The following MCOLN3 variants were observed in gnomAD, a reference collection of about 807,000 sequenced individuals.
The protein encoded by MCOLN3 is mucolipin TRP cation channel 3, also known as mucolipin-3.
A neutral mutation model predicts 69.4 loss-of-function variants in MCOLN3; 62 were observed. The ratio of observed to expected loss-of-function variants is 0.89; its 90% CI spans 0.73 to 1.10. The LOEUF is 1.10. Among genes scored for constraint, MCOLN3 ranks in the 50% least tolerant of loss-of-function variants. The pLI, the probability that MCOLN3 is intolerant of heterozygous loss-of-function variation, is 0.00. For synonymous variants in MCOLN3, 183 were observed against 217.0 expected (o/e 0.84, Z 1.38); for missense variants, 564 against 656.4 (o/e 0.86, Z 1.54).
At chr1:85,027,773 C>G (rs963380255) in intron 7 of MCOLN3, among the ~76,000 whole-genome samples, 3 of 152,032 alleles carry the variant, frequency 2.0e-5, no homozygotes, top group African/African-American at 4.8e-5. Flanking sequence ...AAAGAGCCAC[C>G]CTTATGGAGA....
rs1290121050 is a variant in MCOLN3, at chr1:85,045,190, A to C, written c.171T>G (p.Gly57=). Residue 57 remains glycine (G), a synonymous_variant, in exon 2 of 13, where the codon GGT becomes GGG. Transcript: ENST00000370589. ...GTATGGCAAGTTTCCATGGTTTTCT[A>C]CCTCGAGCCCAGAACTTCTCACAGG... The part of the protein sequence containing the change: ...MNPCEKFWAR[G]RKPWKLAIQI... 1.2e-6 allele frequency: 2 copies of C among 1,613,928 alleles called. No individual in the cohort carries two copies. Among genetic ancestry groups the C allele is most frequent in the African/African-American group, 2.7e-5 (2 of 74,912 alleles).
intron 9 of MCOLN3, among the ~76,000 whole-genome samples, chr1:85,024,314 T>C (rs980041804): frequency 6.6e-6 from 1 of 152,120 alleles, no homozygotes. Context: ...AAAAACATGC[T>C]AATGGGAATG....
rs558137337 is a variant in MCOLN3, at chr1:85,032,172, G to A, written c.732+524C>T. 2.2e-4 allele frequency among the ~76,000 whole-genome samples: 33 copies of A among 152,238 alleles called. No homozygotes were observed. The South Asian group carries it at 6.6e-3, about 31-fold the overall frequency. On this transcript the variant is annotated intron_variant, in intron 6 of 12. Transcript: ENST00000370589. ...CATTATATGGCCACAATAGCATGAGGGCCAAGATGGGAGAAATGGAAGTAC... is the reference window on the plus strand; with the variant it reads ...CATTATATGGCCACAATAGCATGAGAGCCAAGATGGGAGAAATGGAAGTAC...
At position 85,019,212 on chromosome 1, in the gene MCOLN3, T is replaced by C; in HGVS notation, c.1573A>G (p.Ile525Val). 1.2e-6 allele frequency: 2 copies of C among 1,613,552 alleles called. No individual in the cohort carries two copies. The highest frequency in any genetic ancestry group is 1.7e-6 in the Non-Finnish European group (2 of 1,179,602). The change falls in exon 13 of 13, where the codon ATA becomes GTA. Residue 525 changes from isoleucine (I) to valine (V), a missense_variant. Transcript: ENST00000370589. ...TTGGGTAGATCTTTGCATTCTGATA[T>C]AAATGTACGAAGTTCAGTCTCTGGG... Reference protein sequence around the residue: ...GFPETELRTFISECKDLPNSG... With the variant: ...GFPETELRTFVSECKDLPNSG...
In MCOLN3 at chr1:85,034,163, A is replaced by G. The variant is rs762146470; in HGVS notation, c.485T>C (p.Phe162Ser). 6.2e-7 allele frequency: 1 copy of G among 1,614,212 alleles called. No homozygotes were observed. Among genetic ancestry groups the G allele is most frequent in the Non-Finnish European group, 8.5e-7 (1 of 1,180,022 alleles). ...AGGGTAGATGTTTCCTCGCTTGTAG[A>G]AGTGCTGACAGATTGCCATAGCAGA... is the stretch of plus-strand genomic sequence containing the variant. ...KQSAMAICQH[F>S]YKRGNIYPGN... Residue 162 changes from phenylalanine (F) to serine (S), a missense_variant, in exon 4 of 13, where the codon TTC becomes TCC. By Grantham distance (155) the Phe-to-Ser change is radical. Transcript: ENST00000370589.
rs193146013 is a variant in MCOLN3 at position 85,038,025 on chromosome 1, G to C, written c.396+2985C>G. 3.9e-3 allele frequency among the ~76,000 whole-genome samples: 595 copies of C among 152,316 alleles called. 4 individuals are homozygous for C. The highest frequency in any genetic ancestry group is 0.013 in the African/African-American group (556 of 41,576). ...GTGGTAGGGCAGGGTGGGTAGGAAA[G>C]AAAGGAAGCCATCCAGAAACAGGAA... On this transcript the variant is annotated intron_variant, in intron 3 of 12. Coordinates refer to ENST00000370589, the MANE Select transcript of MCOLN3 (RefSeq NM_018298.11).
In MCOLN3 at chr1:85,022,148, C is replaced by A. The variant is rs1651971072; in HGVS notation, c.1242G>T (p.Arg414Ser). Residue 414 changes from arginine to serine, a missense_variant, in exon 11 of 13, where the codon AGG (arginine) becomes AGT (serine). Arg to Ser is a moderately radical substitution (Grantham distance 110). Coordinates refer to ENST00000370589, the MANE Select transcript of MCOLN3 (RefSeq NM_018298.11). Reference sequence around the variant, plus strand: ...AAATCATAGCTGCACAGCAGCAGAACCTGATGACATTGGGCAGCGCTGCCT... The same window carrying A: ...AAATCATAGCTGCACAGCAGCAGAAACTGATGACATTGGGCAGCGCTGCCT... ...TLQAALPNVIRFCCCAAMIYL... is the reference protein window; with the variant it reads ...TLQAALPNVISFCCCAAMIYL... 1.2e-6 allele frequency: 2 copies of A among 1,614,018 alleles called. No individual in the cohort carries two copies. The highest frequency in any genetic ancestry group is 1.7e-5 in the Admixed American group (1 of 59,996).
In MCOLN3 at chr1:85,019,220, C is replaced by G. The variant is rs370749569; in HGVS notation, c.1565G>C (p.Arg522Pro). The change falls in exon 13 of 13, where the codon CGT (arginine) becomes CCT (proline). Residue 522 changes from arginine to proline, a missense_variant. Physicochemically the swap from Arg to Pro is moderately radical, Grantham distance 103 (BLOSUM62 -2). Coordinates refer to ENST00000370589, the MANE Select transcript of MCOLN3 (RefSeq NM_018298.11). ...ATCTTTGCATTCTGATATAAATGTA[C>G]GAAGTTCAGTCTCTGGGAAGCCATC... Reference protein sequence around the residue: ...QQDGFPETELRTFISECKDLP... With the variant: ...QQDGFPETELPTFISECKDLP... 3.1e-6 allele frequency: 5 copies of G among 1,612,876 alleles called. No homozygotes were observed. In the African/African-American group the frequency reaches 5.4e-5, roughly 17 times the overall value.
intron 1 of MCOLN3, among the ~76,000 whole-genome samples, 190 bp downstream of exon 1, chr1:85,048,206 C>A (rs1355258043): frequency 1.3e-5 from 2 of 151,934 alleles, no homozygotes; most frequent in Admixed American, 6.5e-5. Context: ...GGCTTGGGGG[C>A]GGCGCGGAAC....
intron 2 of MCOLN3, 78 bp downstream of exon 2, chr1:85,045,055 T>A (rs1653272093): frequency 1.1e-4 from 109 of 1,022,828 alleles, no homozygotes; most frequent in Non-Finnish European, 1.2e-4. Flanking sequence ...AAAAGTTATT[T>A]AAAAAAAAAA....
chr1:85,037,611 G>A (rs1652858904), intron 3 of MCOLN3, among the ~76,000 whole-genome samples: 2 of 152,218 alleles, frequency 1.3e-5, no homozygotes, highest in African/African-American at 4.8e-5. Context: ...GCTATAGCCA[G>A]ACTTCCTTGA....
In MCOLN3 at chr1:85,018,110, C is replaced by T. The variant is rs1185965130; in HGVS notation, c.*1013G>A. On this transcript the variant is annotated 3_prime_UTR_variant, in exon 13 of 13. Coordinates refer to ENST00000370589, the MANE Select transcript of MCOLN3 (RefSeq NM_018298.11). Reference sequence around the variant, plus strand: ...ATTTGGTATATGCTTTAATTTCATGCATGTATAAGATACTCTTTTTACTTT... The same window carrying T: ...ATTTGGTATATGCTTTAATTTCATGTATGTATAAGATACTCTTTTTACTTT... 6 of 152,160 alleles carry T rather than the reference C, an allele frequency of 3.9e-5. No homozygotes were observed. The highest frequency in any genetic ancestry group is 7.4e-5 in the Non-Finnish European group (5 of 68,026). The allele number at this position is 152,160 out of a possible 1,614,324, so 9.4% of individuals were successfully genotyped here. A position where few individuals can be genotyped will look rare whatever the true frequency, so the allele number is the denominator to read the frequency against.
chr1:85,020,740 A>G (rs923808786), intron 12 of MCOLN3, among the ~76,000 whole-genome samples: 2 of 152,218 alleles, frequency 1.3e-5, no homozygotes, highest in Non-Finnish European at 2.9e-5. Context: ...CTGAAATGCC[A>G]TATGTTTTAT....
At chr1:85,034,369 C>T (rs1571111771) in intron 3 of MCOLN3, 118 bp from the exon 4 acceptor site, 3 of 967,400 alleles carry the variant, frequency 3.1e-6, no homozygotes, top group East Asian at 5.1e-5. Flanking sequence ...GAGACATTCA[C>T]TTTGATAAAC....
Position 85,022,135 on chromosome 1 carries a change from C to T in MCOLN3, c.1255G>A (p.Ala419Thr). The stretch of plus-strand genomic sequence containing the variant: ...CAGTAACCTAAGTAAATCATAGCTG[C>T]ACAGCAGCAGAACCTGATGACATTG... ...LPNVIRFCCC[A>T]AMIYLGYCFC... is the part of the protein sequence containing the mutation. The change falls in exon 11 of 13, where the codon GCA becomes ACA. Residue 419 changes from alanine (A) to threonine (T), a missense_variant. Physicochemically the swap from Ala to Thr is moderately conservative, Grantham distance 58. Transcript: ENST00000370589. The T allele has an allele frequency of 6.2e-7, 1 of 1,614,166 alleles. No individual in the cohort carries two copies. Among genetic ancestry groups the T allele is most frequent in the Non-Finnish European group, 8.5e-7 (1 of 1,180,008 alleles).
chr1:85,042,918 C>T (rs4907125), intron 2 of MCOLN3, among the ~76,000 whole-genome samples: 74,388 of 151,930 alleles, frequency 0.49, 18,591 homozygotes, highest in Middle Eastern at 0.54. Context: ...AAGGAAACAT[C>T]ACAATTAAGA....
intron 1 of MCOLN3, among the ~76,000 whole-genome samples, chr1:85,047,047 G>T (rs1268296818): frequency 6.6e-6 from 1 of 152,124 alleles, no homozygotes; most frequent in African/African-American, 2.4e-5. Flanking sequence ...GACTTAAAAC[G>T]CAGATGATTT....
In MCOLN3 at chr1:85,021,208, C is replaced by A; in HGVS notation, c.1389G>T (p.Thr463=). 6.2e-7 allele frequency: 1 copy of A among 1,613,818 alleles called. No individual in the cohort carries two copies. The highest frequency in any genetic ancestry group is 8.5e-7 in the Non-Finnish European group (1 of 1,179,864). ...SLINGDDMFA[T]FAKMQQKSYL... is the part of the protein sequence containing the mutation. ...AACTTTTTTGCTGCATTTTTGCAAA[C>A]GTGGCAAACATATCATCTCCATTTA... The change falls in exon 12 of 13, where the codon ACG becomes ACT. Residue 463 remains threonine (T), a synonymous_variant. Transcript: ENST00000370589.
Position 85,032,801 on chromosome 1 carries a change from CAG to C in MCOLN3, c.636-11_636-10del. The C allele has an allele frequency of 1.2e-6, 2 of 1,613,890 alleles. No individual in the cohort carries two copies. Among genetic ancestry groups the C allele is most frequent in the Non-Finnish European group, 1.7e-6 (2 of 1,179,786 alleles). ...GCTCCACTGTTAGGAGTCTAGAAAA[CAG>C]AGGTGATTTTAGTTCTGTGGCAATA... is the stretch of plus-strand genomic sequence containing the variant. On this transcript the variant is annotated splice_polypyrimidine_tract_variant and intron_variant, in intron 5 of 12. Coordinates refer to ENST00000370589, the MANE Select transcript of MCOLN3 (RefSeq NM_018298.11).
Sources: gnomAD v4.1 joint callset for allele counts (sites outside exome capture counted in the v4.1 genomes callset) on GRCh38, gnomAD v4.1.1 for gene constraint, MANE v1.5 for transcripts, NCBI Gene and HGNC (gene_info 2026-07-23, HGNC 2026-07-21) for gene names.